MAML3: variants seen among roughly 807,000 people sequenced by gnomAD.
MAML3 encodes the protein mastermind-like protein 3.
A neutral mutation model predicts 101.9 loss-of-function variants in MAML3; 27 were observed. The observed-to-expected ratio is 0.27, with a 90% CI of 0.20 to 0.37. The LOEUF is 0.37. Among genes scored for constraint, MAML3 ranks in the 10% least tolerant of loss-of-function variants. MAML3 has a pLI of 1.00. For missense variants in MAML3, 1,316 were observed against 1,444.9 expected, an observed-to-expected ratio of 0.91 and a Z score of 1.45; for synonymous variants, 501 against 555.9, an observed-to-expected ratio of 0.90 and a Z score of 1.39.
chr4:140,151,257 G>A (rs1431601152), intron 1 of MAML3, among the ~76,000 whole-genome samples: 1 of 152,074 alleles, frequency 6.6e-6, no homozygotes, highest in Non-Finnish European at 1.5e-5. Context: ...TGCTGCCGGC[G>A]GGACTGGGCA....
At chr4:140,078,205 C>A (rs999156273) in intron 1 of MAML3, among the ~76,000 whole-genome samples, 1 of 151,988 alleles carries the variant, frequency 6.6e-6, no homozygotes, top group African/African-American at 2.4e-5. Context: ...GACAAGAAGG[C>A]ACCATAGCTC....
At chr4:140,067,619 C>T (rs1319140) in intron 1 of MAML3, among the ~76,000 whole-genome samples, 1 of 151,796 alleles carries the variant, frequency 6.6e-6, no homozygotes, top group African/African-American at 2.4e-5. Flanking sequence ...GCAGCTAATT[C>T]TATTTGTGAT....
intron 2 of MAML3, among the ~76,000 whole-genome samples, chr4:139,828,709 CTTCTTTT>C (rs1731105691): frequency 7.5e-6 from 1 of 133,776 alleles, no homozygotes; most frequent in African/African-American, 2.9e-5. Context: ...AGAAGATGCA[CTTCTTTT>C]TTTTTTTTTT....
intron 2 of MAML3, chr4:139,731,190 G>A (rs975258988): frequency 6.2e-6 from 1 of 161,542 alleles, no homozygotes; most frequent in Non-Finnish European, 1.4e-5. Flanking sequence ...TGCAACATTT[G>A]AGAGCTTAGA....
chr4:139,990,874 A>T (rs939376213), intron 1 of MAML3, among the ~76,000 whole-genome samples: 51 of 152,356 alleles, frequency 3.3e-4, no homozygotes, highest in Admixed American at 2.7e-3. Flanking sequence ...AAGGAGAACT[A>T]CATACCACTG....
At chr4:140,011,233 CATATATATAT>C (rs70943468) in intron 1 of MAML3, among the ~76,000 whole-genome samples, 1 of 119,926 alleles carries the variant, frequency 8.3e-6, no homozygotes, top group Non-Finnish European at 1.8e-5. Context: ...ATAAAGTGTG[CATATATATAT>C]ATATATATAT....
At chr4:140,050,949 A>T (rs1207157650) in intron 1 of MAML3, among the ~76,000 whole-genome samples, 1 of 152,220 alleles carries the variant, frequency 6.6e-6, no homozygotes, top group Non-Finnish European at 1.5e-5. Context: ...GCACTAGTAC[A>T]ATCAAGGTAT....
intron 1 of MAML3, among the ~76,000 whole-genome samples, chr4:139,925,469 A>G (rs1365553080): frequency 2.0e-5 from 3 of 152,120 alleles, no homozygotes; most frequent in Non-Finnish European, 2.9e-5. Context: ...ACCTCAGGCA[A>G]TCCACCTGCC....
chr4:139,748,650 GC>G (rs36053366), intron 2 of MAML3, among the ~76,000 whole-genome samples: 48,842 of 151,958 alleles, frequency 0.32, 8,059 homozygotes, highest in Admixed American at 0.37. Context: ...CCACAGCTGT[GC>G]TTTCTATAGT....
At position 140,154,107 on chromosome 4, in the gene MAML3, T is replaced by TCGCCGCCGCCGC. The variant is rs576186001; in HGVS notation, c.-792_-781dup. On this transcript the variant is annotated 5_prime_UTR_variant, in exon 1 of 5. Transcript: ENST00000509479. ...TGCCACCATCACAATGATCAACTGC[T>TCGCCGCCGCCGC]CGCCGCCGCCGCCGCCGCCGCCTCC... 27 of 178,078 alleles carry TCGCCGCCGCCGC rather than the reference T, an allele frequency of 1.5e-4. 4 individuals carry two copies. Among genetic ancestry groups the TCGCCGCCGCCGC allele is most frequent in the Non-Finnish European group, 2.7e-4 (23 of 85,440 alleles). The allele number at this position is 178,078 out of a possible 1,614,324, so 11.0% of individuals were successfully genotyped here.
chr4:139,831,695 A>G (rs1731165317), intron 2 of MAML3, among the ~76,000 whole-genome samples: 1 of 152,054 alleles, frequency 6.6e-6, no homozygotes, highest in Non-Finnish European at 1.5e-5. Context: ...CAAAGCCAAG[A>G]TCCTGGGCGT....
chr4:140,026,279 G>T (rs189229630), intron 1 of MAML3, among the ~76,000 whole-genome samples: 80 of 152,060 alleles, frequency 5.3e-4, no homozygotes, highest in African/African-American at 1.7e-3. Flanking sequence ...TTTTGAGACG[G>T]AATCTCACTC....
At chr4:139,934,572 G>A (rs1457781938) in intron 1 of MAML3, among the ~76,000 whole-genome samples, 4 of 152,226 alleles carry the variant, frequency 2.6e-5, no homozygotes, top group East Asian at 1.9e-4. Flanking sequence ...GGGTGAGGGC[G>A]TCCACGGGGC....
chr4:139,761,271 C>T lies in MAML3; in HGVS notation c.2080-30604G>A, dbSNP rs555478706. On this transcript the variant is annotated intron_variant, in intron 2 of 4. Coordinates refer to ENST00000509479, the MANE Select transcript of MAML3 (RefSeq NM_018717.5). Reference sequence around the variant, plus strand: ...CGCTACACCCGGCCCTAGAGGACAGCTTTCTAAAAGTCTTCAGCCAAGTTT... The same window carrying T: ...CGCTACACCCGGCCCTAGAGGACAGTTTTCTAAAAGTCTTCAGCCAAGTTT... Among the ~76,000 whole-genome samples the T allele has an allele frequency of 6.6e-5, 10 of 152,300 alleles. No individual in the cohort carries two copies. The South Asian group carries it at 1.9e-3, about 28-fold the overall frequency.
chr4:139,914,703 A>G (rs1235903673), intron 1 of MAML3, among the ~76,000 whole-genome samples: 1 of 152,248 alleles, frequency 6.6e-6, no homozygotes, highest in African/African-American at 2.4e-5. Flanking sequence ...TTGGGAGAGA[A>G]AATGATGGAG....
chr4:139,978,316 GGAA>G (rs1734381992), intron 1 of MAML3, among the ~76,000 whole-genome samples: 1 of 152,080 alleles, frequency 6.6e-6, no homozygotes, highest in South Asian at 2.1e-4. Context: ...CCCAAGCACA[GGAA>G]GATTCAGCAC....
intron 2 of MAML3, among the ~76,000 whole-genome samples, chr4:139,748,098 G>C (rs1000356830): frequency 7.3e-5 from 11 of 151,556 alleles, no homozygotes; most frequent in Non-Finnish European, 1.3e-4. Flanking sequence ...TAGAGGTAGT[G>C]GGCCTTTGAA....
At chr4:139,740,720 A>G (rs1729138061) in intron 2 of MAML3, 1 of 152,310 alleles carries the variant, frequency 6.6e-6, no homozygotes, top group African/African-American at 2.4e-5. Context: ...ACGCTGCCAA[A>G]TGGAGCTCTC....
intron 2 of MAML3, among the ~76,000 whole-genome samples, chr4:139,817,121 A>G (rs1730905374): frequency 6.6e-6 from 1 of 152,148 alleles, no homozygotes; most frequent in South Asian, 2.1e-4. Context: ...ATTAGCTTGG[A>G]AATCAAGATC....
Sources: allele counts gnomAD v4.1 joint callset (sites outside exome capture counted in the v4.1 genomes callset), GRCh38; gene constraint gnomAD v4.1.1; transcripts MANE v1.5; gene names NCBI Gene and HGNC (gene_info 2026-07-23, HGNC 2026-07-21).